Variants in SNTG1 observed in about 807,000 individuals in gnomAD.
SNTG1 encodes the protein gamma-1-syntrophin.
Under a neutral mutation model 74.7 loss-of-function variants are expected in SNTG1, and 39 were observed. The observed-to-expected ratio is 0.52, with a 90% CI of 0.40 to 0.68. The LOEUF (loss-of-function observed/expected upper bound fraction) is 0.68, where lower values mean the gene tolerates loss of function less well. Among genes scored for constraint, SNTG1 ranks in the 30% least tolerant of loss-of-function variants. SNTG1 has a pLI of 0.00. For missense variants in SNTG1, 685 were observed against 609.5 expected, an observed-to-expected ratio of 1.12 and a Z score of -1.30; for synonymous variants, 254 against 217.1, an observed-to-expected ratio of 1.17 and a Z score of -1.49.
At chr8:50,073,574 A>G (rs997925030) in intron 1 of SNTG1, among the ~76,000 whole-genome samples, 2 of 152,124 alleles carry the variant, frequency 1.3e-5, no homozygotes, top group Non-Finnish European at 2.9e-5. Flanking sequence ...GCATTTTTCC[A>G]GGTTTTCAAT....
intron 13 of SNTG1, among the ~76,000 whole-genome samples, chr8:50,654,274 A>G (rs2095167027): frequency 6.6e-6 from 1 of 151,868 alleles, no homozygotes; most frequent in Non-Finnish European, 1.5e-5. Context: ...GTTTTTTCCA[A>G]ACTTTTGTCT....
At chr8:50,558,558 A>G (rs2094469554) in intron 12 of SNTG1, among the ~76,000 whole-genome samples, 2 of 152,064 alleles carry the variant, frequency 1.3e-5, no homozygotes, top group East Asian at 1.9e-4. Context: ...TTATTGTACA[A>G]TGTTCTCAGA....
intron 15 of SNTG1, among the ~76,000 whole-genome samples, chr8:50,699,282 A>C (rs2095415587): frequency 6.6e-6 from 1 of 152,194 alleles, no homozygotes; most frequent in Admixed American, 6.5e-5. Context: ...ACTAATGAGC[A>C]GAAAAGCTAC....
At chr8:50,355,648 C>A (rs1334688538) in intron 2 of SNTG1, among the ~76,000 whole-genome samples, 1 of 152,174 alleles carries the variant, frequency 6.6e-6, no homozygotes, top group African/African-American at 2.4e-5. Context: ...TCAGTATCTT[C>A]TGTCATCAGT....
At chr8:50,468,012 A>AT (rs34202618) in intron 8 of SNTG1, among the ~76,000 whole-genome samples, 96,185 of 150,682 alleles carry the variant, frequency 0.64, 32,857 homozygotes, top group Non-Finnish European at 0.77. Context: ...TATAATAAAT[A>AT]TTTTTTTTTC....
At chr8:50,105,194 G>C (rs2080317621) in intron 1 of SNTG1, among the ~76,000 whole-genome samples, 1 of 152,040 alleles carries the variant, frequency 6.6e-6, no homozygotes, top group Non-Finnish European at 1.5e-5. Flanking sequence ...TCCCTCTTGA[G>C]TTGATTTATG....
intron 8 of SNTG1, among the ~76,000 whole-genome samples, chr8:50,484,626 G>A (rs1001029559): frequency 8.6e-5 from 13 of 151,800 alleles, no homozygotes; most frequent in Admixed American, 3.9e-4. Context: ...TTGGGAGGCC[G>A]AGGCAGGTGG....
At chr8:50,298,633 T>C (rs2089500403) in intron 2 of SNTG1, among the ~76,000 whole-genome samples, 2 of 152,176 alleles carry the variant, frequency 1.3e-5, no homozygotes, top group South Asian at 4.1e-4. Context: ...ATACATTTAA[T>C]AAAGATGAAT....
intron 17 of SNTG1, among the ~76,000 whole-genome samples, chr8:50,735,185 G>C (rs1008550872): frequency 2.0e-5 from 3 of 151,446 alleles, no homozygotes; most frequent in African/African-American, 7.3e-5. Flanking sequence ...TGATCTAACT[G>C]TATGCTGTAC....
chr8:50,194,142 T>C (rs2083677578), intron 2 of SNTG1, among the ~76,000 whole-genome samples: 1 of 152,136 alleles, frequency 6.6e-6, no homozygotes, highest in South Asian at 2.1e-4. Context: ...TTTTCAGTTA[T>C]GTCCTTTCCT....
chr8:50,558,391 T>C (rs772593173), intron 12 of SNTG1, among the ~76,000 whole-genome samples: 1 of 152,326 alleles, frequency 6.6e-6, no homozygotes, highest in Non-Finnish European at 1.5e-5. Flanking sequence ...TTTTTGTTTG[T>C]TGTCCATGAC....
chr8:50,073,859 T>C (rs1225892655), intron 1 of SNTG1, among the ~76,000 whole-genome samples: 1 of 150,994 alleles, frequency 6.6e-6, no homozygotes, highest in Non-Finnish European at 1.5e-5. Flanking sequence ...GTCTTAACAG[T>C]GGGCTTAAAA....
intron 1 of SNTG1, among the ~76,000 whole-genome samples, chr8:49,929,195 A>G (rs1718612247): frequency 6.6e-6 from 1 of 152,218 alleles, no homozygotes; most frequent in Non-Finnish European, 1.5e-5. Context: ...AATATTTTAG[A>G]AATTTTATTT....
chr8:50,675,325 T>C (rs1309718162), intron 15 of SNTG1, among the ~76,000 whole-genome samples: 3 of 152,130 alleles, frequency 2.0e-5, no homozygotes, highest in African/African-American at 7.2e-5. Flanking sequence ...AAGAACTTGA[T>C]TTATGAATCT....
chr8:50,282,816 T>A (rs2088549829), intron 2 of SNTG1, among the ~76,000 whole-genome samples: 1 of 152,096 alleles, frequency 6.6e-6, no homozygotes, highest in Non-Finnish European at 1.5e-5. Context: ...TCTGACAATA[T>A]CTGTTTCTAT....
intron 4 of SNTG1, among the ~76,000 whole-genome samples, chr8:50,424,749 G>A: frequency 6.6e-6 from 1 of 152,136 alleles, no homozygotes; most frequent in East Asian, 1.9e-4. Flanking sequence ...GAGTTTTACT[G>A]TTCTTTAAAT....
At chr8:50,134,599 C>T (rs1209120831) in intron 1 of SNTG1, among the ~76,000 whole-genome samples, 1 of 151,964 alleles carries the variant, frequency 6.6e-6, no homozygotes, top group East Asian at 1.9e-4. Flanking sequence ...TCTGTGATGA[C>T]AGGGAAAGAT....
chr8:50,221,421 G>A (rs887287352), intron 2 of SNTG1, among the ~76,000 whole-genome samples: 1 of 151,210 alleles, frequency 6.6e-6, no homozygotes, highest in Non-Finnish European at 1.5e-5. Context: ...AGATCAACGT[G>A]GCAAAATATT....
At chr8:50,296,825 CA>C (rs141922280) in intron 2 of SNTG1, among the ~76,000 whole-genome samples, 10,540 of 151,972 alleles carry the variant, frequency 0.069, 408 homozygotes, top group African/African-American at 0.086. Flanking sequence ...AAAACGAAAA[CA>C]AAAAACAGTT....
Sources: gnomAD v4.1 joint callset for allele counts (sites outside exome capture counted in the v4.1 genomes callset) on GRCh38, gnomAD v4.1.1 for gene constraint, MANE v1.5 for transcripts, NCBI Gene and HGNC (gene_info 2026-07-23, HGNC 2026-07-21) for gene names.